Variants in CCDC81 observed in about 807,000 individuals in gnomAD.
CCDC81 encodes coiled-coil domain containing 81.
CCDC81 carries 79 observed loss-of-function variants against 83.7 expected under a neutral mutation model. The ratio of observed to expected loss-of-function variants is 0.94; its 90% CI spans 0.79 to 1.14. The LOEUF is 1.14. Ranked by LOEUF, CCDC81 falls within the 50% of genes most tolerant of loss-of-function variation. The pLI is 0.00. For missense variants in CCDC81, 791 were observed against 778.1 expected, an observed-to-expected ratio of 1.02 and a Z score of -0.20; for synonymous variants, 252 against 278.1, an observed-to-expected ratio of 0.91 and a Z score of 0.93.
rs898623618 is a variant in CCDC81 at position 86,415,112 on chromosome 11, G to A, written c.1490G>A (p.Arg497Gln). 11 of 1,613,964 alleles carry A rather than the reference G, an allele frequency of 6.8e-6. No individual in the cohort carries two copies. Among genetic ancestry groups the A allele is most frequent in the Admixed American group, 1.7e-5 (1 of 59,986 alleles). Residue 497 changes from arginine to glutamine, a missense_variant, in exon 13 of 15, where the codon CGG becomes CAG. By Grantham distance (43) the Arg-to-Gln change is conservative. Coordinates refer to ENST00000445632, the MANE Select transcript of CCDC81 (RefSeq NM_001156474.2). ...TTTAAGATAAAGAACAAACCCTCTC[G>A]GCTGCCCCCCTTTGAGCCAGACTCC... ...LDAQIKNKPSRLPPFEPDSSE... is the reference protein window; with the variant it reads ...LDAQIKNKPSQLPPFEPDSSE...
intron 1 of CCDC81, among the ~76,000 whole-genome samples, chr11:86,384,455 G>A (rs896478526): frequency 6.6e-6 from 1 of 152,084 alleles, no homozygotes; most frequent in African/African-American, 2.4e-5. Context: ...GGGTGAGTGA[G>A]TTTCCATCAC....
At position 86,408,175 on chromosome 11, in the gene CCDC81, T is replaced by C; in HGVS notation, c.1018T>C (p.Tyr340His). The change falls in exon 9 of 15, where the codon TAC (tyrosine) becomes CAC (histidine). Residue 340 changes from tyrosine to histidine, a missense_variant. Coordinates refer to ENST00000445632, the MANE Select transcript of CCDC81 (RefSeq NM_001156474.2). The part of the protein sequence containing the change: ...LQRAQRNSLL[Y>H]YSEERRREIE... The stretch of plus-strand genomic sequence containing the variant: ...ACGAGCACAACGAAATTCCCTGTTG[T>C]ACTACAGTGAGGAAAGGAGGAGAGA... 1 of 1,614,082 alleles carries C rather than the reference T, an allele frequency of 6.2e-7. No homozygotes were observed.
Position 86,423,024 on chromosome 11 carries a change from C to T in CCDC81, c.*309C>T. On this transcript the variant is annotated 3_prime_UTR_variant, in exon 15 of 15. Coordinates refer to ENST00000445632, the MANE Select transcript of CCDC81 (RefSeq NM_001156474.2). The stretch of plus-strand genomic sequence containing the variant: ...GCTGCTGGGGTGCTGCTGACCCAGC[C>T]CTGCTGCTGCTCCATGACTTTGTGT... The T allele has an allele frequency of 3.6e-6, 1 of 281,462 alleles. No individual in the cohort carries two copies. The highest frequency in any genetic ancestry group is 6.6e-6 in the Non-Finnish European group (1 of 150,404). The allele number at this position is 281,462 out of a possible 1,614,324, so 17.4% of individuals were successfully genotyped here.
Position 86,412,398 on chromosome 11 carries a change from A to G in CCDC81, c.1230A>G (p.Leu410=), listed in dbSNP as rs763616176. ...NEKPEFYKSF[L]FDKRPLSPAL... is the part of the protein sequence containing the mutation. The stretch of plus-strand genomic sequence containing the variant: ...CTCTTTCATTCTAGAAATCCTTCCT[A>G]TTTGACAAACGGCCACTCAGTCCTG... The change falls in exon 11 of 15, where the codon CTA becomes CTG. Residue 410 remains leucine (L), a synonymous_variant. Coordinates refer to ENST00000445632, the MANE Select transcript of CCDC81 (RefSeq NM_001156474.2). The G allele has an allele frequency of 3.8e-6, 6 of 1,589,972 alleles. No individual in the cohort carries two copies. The highest frequency in any genetic ancestry group is 1.2e-5 in the South Asian group (1 of 86,278).
intron 3 of CCDC81, among the ~76,000 whole-genome samples, chr11:86,388,035 A>G (rs1948269482): frequency 6.6e-6 from 1 of 152,262 alleles, no homozygotes; most frequent in African/African-American, 2.4e-5. Context: ...AACTACAGTC[A>G]GTATCAGCTG....
intron 1 of CCDC81, among the ~76,000 whole-genome samples, chr11:86,384,037 A>G (rs1017901081): frequency 2.6e-5 from 4 of 152,228 alleles, no homozygotes; most frequent in African/African-American, 9.6e-5. Flanking sequence ...GTTTGGTTGC[A>G]AACTATACAC....
intron 3 of CCDC81, among the ~76,000 whole-genome samples, chr11:86,390,077 C>G (rs150587691): frequency 0.01 from 1,560 of 152,148 alleles, 10 homozygotes; most frequent in Middle Eastern, 0.017. Context: ...TGCACTCCAG[C>G]CTGGCGACAG....
chr11:86,411,253 C>T lies in CCDC81; in HGVS notation c.1219-1134C>T, dbSNP rs148912506. Among the ~76,000 whole-genome samples, 25 of 152,268 alleles carry T rather than the reference C, an allele frequency of 1.6e-4. 1 individual carries two copies. The highest frequency in any genetic ancestry group is 1.2e-3 in the Admixed American group (18 of 15,296). Reference sequence around the variant, plus strand: ...AGAGACTTTTTTTCTGCTCATTGAACATGCCTAGCTTGTTTCCATCTAGTG... The same window carrying T: ...AGAGACTTTTTTTCTGCTCATTGAATATGCCTAGCTTGTTTCCATCTAGTG... On this transcript the variant is annotated intron_variant, in intron 10 of 14. Transcript: ENST00000445632.
intron 7 of CCDC81, among the ~76,000 whole-genome samples, chr11:86,403,128 A>G (rs138364571): frequency 8.8e-4 from 129 of 145,842 alleles, no homozygotes; most frequent in Middle Eastern, 4.0e-3. Context: ...TGCTGGGATT[A>G]CAGGCATGAG....
chr11:86,411,805 T>G (rs1948645106), intron 10 of CCDC81, among the ~76,000 whole-genome samples: 1 of 152,204 alleles, frequency 6.6e-6, no homozygotes, highest in Admixed American at 6.5e-5. Flanking sequence ...ACATAGAAAT[T>G]GACCCTTTTG....
chr11:86,413,263 G>A (rs918858093), intron 11 of CCDC81, among the ~76,000 whole-genome samples: 4 of 152,090 alleles, frequency 2.6e-5, no homozygotes, highest in South Asian at 2.1e-4. Context: ...TGTTTCTCTC[G>A]ACGTCCAGCC....
intron 9 of CCDC81, 44 bp downstream of exon 9, chr11:86,408,314 C>T (rs1416200457): frequency 8.5e-6 from 13 of 1,533,588 alleles, no homozygotes; most frequent in African/African-American, 1.4e-5. Flanking sequence ...GGCAATAGAA[C>T]ATGATTATAT....
intron 1 of CCDC81, among the ~76,000 whole-genome samples, chr11:86,379,319 A>G (rs1305031472): frequency 1.3e-5 from 2 of 152,028 alleles, no homozygotes; most frequent in African/African-American, 4.8e-5. Context: ...GATGGTCTTG[A>G]TCTCCTGACC....
At chr11:86,408,059 G>C in intron 8 of CCDC81, 68 bp from the exon 9 acceptor site, 7 of 1,518,096 alleles carry the variant, frequency 4.6e-6, no homozygotes, top group Non-Finnish European at 6.3e-6. Flanking sequence ...TGGAGAGCTT[G>C]TGAAGGGAAT....
intron 14 of CCDC81, 120 bp downstream of exon 14, chr11:86,420,173 T>G: frequency 8.7e-7 from 1 of 1,151,604 alleles, no homozygotes. Flanking sequence ...AAAGCAAGTC[T>G]GTATTCCATG....
chr11:86,397,668 TAGA>T lies in CCDC81; in HGVS notation c.688_690del (p.Glu230del), dbSNP rs1352975275. ...AACAAACTGCCTATGGAGACCCTTG[TAGA>T]AGAATGTGGAGAGAATAGAGAAAGG... On this transcript the variant is annotated inframe_deletion, in exon 6 of 15. Transcript: ENST00000445632. 2 of 1,613,758 alleles carry T rather than the reference TAGA, an allele frequency of 1.2e-6. No individual in the cohort carries two copies. Among genetic ancestry groups the T allele is most frequent in the Non-Finnish European group, 1.7e-6 (2 of 1,179,854 alleles).
chr11:86,400,434 T>C (rs1452226360), intron 6 of CCDC81, among the ~76,000 whole-genome samples: 1 of 152,244 alleles, frequency 6.6e-6, no homozygotes, highest in Non-Finnish European at 1.5e-5. Context: ...CTCCTGGTCA[T>C]GTTATATCCA....
chr11:86,412,529 A>G lies in CCDC81; in HGVS notation c.1361A>G (p.Asp454Gly), dbSNP rs1948659600. The change falls in exon 11 of 15, where the codon GAC (aspartate) becomes GGC (glycine). Residue 454 changes from aspartate (D) to glycine (G), a missense_variant. Physicochemically the swap from Asp to Gly is moderately conservative, Grantham distance 94. Coordinates refer to ENST00000445632, the MANE Select transcript of CCDC81 (RefSeq NM_001156474.2). ...IKQRQYRELM[D>G]RLEQVQLTEE... ...CAAAGACAATACAGAGAGTTGATGG[A>G]CCGCCTGGAACAAGTGCAACTCACA... The G allele has an allele frequency of 6.2e-7, 1 of 1,611,402 alleles. No individual in the cohort carries two copies. The highest frequency in any genetic ancestry group is 8.5e-7 in the Non-Finnish European group (1 of 1,179,258).
At chr11:86,401,729 C>T (rs1157625520) in intron 7 of CCDC81, among the ~76,000 whole-genome samples, 1 of 151,790 alleles carries the variant, frequency 6.6e-6, no homozygotes, top group African/African-American at 2.4e-5. Flanking sequence ...AAAATGCATG[C>T]GACGAAGACA....
Sources: gnomAD v4.1 joint callset for allele counts (sites outside exome capture counted in the v4.1 genomes callset) on GRCh38, gnomAD v4.1.1 for gene constraint, MANE v1.5 for transcripts, NCBI Gene and HGNC (gene_info 2026-07-23, HGNC 2026-07-21) for gene names.